Variants in CWF19L1 observed in about 807,000 individuals in gnomAD.
The protein encoded by CWF19L1 is CWF19 like cell cycle control factor 1.
A neutral mutation model predicts 69.7 loss-of-function variants in CWF19L1; 60 were observed. That is an observed-to-expected ratio of 0.86 (90% CI 0.70 to 1.07). CWF19L1 has a LOEUF of 1.07. CWF19L1 is among the 50% of genes least tolerant of loss of function. CWF19L1 has a pLI of 0.00. For missense variants in CWF19L1, 591 were observed against 638.9 expected (o/e 0.92, Z 0.81); for synonymous variants, 209 against 222.2 (o/e 0.94, Z 0.53).
intron 3 of CWF19L1, 133 bp downstream of exon 3, chr10:100,260,833 T>C: frequency 1.5e-6 from 1 of 664,472 alleles, no homozygotes; most frequent in East Asian, 2.8e-5. Context: ...GTCTTAATAA[T>C]GAAAAGCAAC....
chr10:100,255,980 T>C (rs1194336566), intron 5 of CWF19L1, among the ~76,000 whole-genome samples: 1 of 151,860 alleles, frequency 6.6e-6, no homozygotes, highest in African/African-American at 2.4e-5. Context: ...CCTCAAAACA[T>C]TAAGAGGCTT....
At chr10:100,256,218 T>C in intron 5 of CWF19L1, 44 bp downstream of exon 5, 1 of 1,470,032 alleles carries the variant, frequency 6.8e-7, no homozygotes, top group Non-Finnish European at 9.5e-7. Context: ...CTCAAGCCAG[T>C]GCAATTTGCT....
intron 12 of CWF19L1, among the ~76,000 whole-genome samples, chr10:100,236,311 G>A (rs192373422): frequency 1.3e-5 from 2 of 152,022 alleles, no homozygotes; most frequent in Admixed American, 1.3e-4. Context: ...GTCTCACTTT[G>A]TTGCCCAGGC....
At position 100,233,123 on chromosome 10, in the gene CWF19L1, G is replaced by T; in HGVS notation, c.*104C>A. 2.5e-6 allele frequency: 3 copies of T among 1,199,520 alleles called. No homozygotes were observed. The highest frequency in any genetic ancestry group is 1.7e-5 in the South Asian group (1 of 58,958). 74.3% of individuals were successfully genotyped at this position (1,199,520 alleles called of 1,614,324 possible). The stretch of plus-strand genomic sequence containing the variant: ...CAGTTATGCCACTGCAATCCTGCTT[G>T]GGTGACAGAGCGAGACTTTGTCTCA... On this transcript the variant is annotated 3_prime_UTR_variant, in exon 14 of 14. Transcript: ENST00000354105.
In CWF19L1 at chr10:100,256,377, G is replaced by A; in HGVS notation, c.389C>T (p.Pro130Leu). ...NEPVPGYSFS[P>L]KDVSSLRMML... ...CATTCTCAGAGAAGACACATCCTTG[G>A]GACTAAAACTATAACCTGGTACTGG... Residue 130 changes from proline to leucine, a missense_variant, in exon 5 of 14, where the codon CCC (proline) becomes CTC (leucine). Transcript: ENST00000354105. 1.9e-6 allele frequency: 3 copies of A among 1,613,958 alleles called. No homozygotes were observed. The highest frequency in any genetic ancestry group is 1.1e-5 in the South Asian group (1 of 91,072).
At chr10:100,267,188 C>G (rs1232026908) in intron 1 of CWF19L1, among the ~76,000 whole-genome samples, 2 of 141,622 alleles carry the variant, frequency 1.4e-5, no homozygotes, top group Admixed American at 1.5e-4. Flanking sequence ...GGAAGGGTCC[C>G]TATCTACTCT....
At chr10:100,239,727 A>G (rs1197184422) in intron 10 of CWF19L1, among the ~76,000 whole-genome samples, 1 of 152,214 alleles carries the variant, frequency 6.6e-6, no homozygotes, top group Non-Finnish European at 1.5e-5. Flanking sequence ...CTCATCTATA[A>G]TAAGAAAGTC....
intron 7 of CWF19L1, chr10:100,249,160 G>A (rs1161803430): frequency 5.9e-6 from 2 of 341,084 alleles, no homozygotes; most frequent in Non-Finnish European, 1.1e-5. Flanking sequence ...CCCAACCCTA[G>A]AAATCACTAT....
chr10:100,266,281 C>T (rs537862345), intron 1 of CWF19L1, among the ~76,000 whole-genome samples: 181 of 151,702 alleles, frequency 1.2e-3, no homozygotes, highest in African/African-American at 4.3e-3. Context: ...GCATCGACCT[C>T]CCCAGGCTCA....
intron 10 of CWF19L1, among the ~76,000 whole-genome samples, chr10:100,240,900 C>G (rs1329314894): frequency 1.3e-5 from 2 of 151,856 alleles, no homozygotes; most frequent in East Asian, 3.8e-4. Flanking sequence ...GCTCTTATTC[C>G]ACTGAAGACT....
At chr10:100,239,791 AT>A (rs1417038079) in intron 10 of CWF19L1, among the ~76,000 whole-genome samples, 6 of 152,216 alleles carry the variant, frequency 3.9e-5, no homozygotes, top group Non-Finnish European at 8.8e-5. Context: ...ATTGTCCTTG[AT>A]TTGTTTGGCA....
chr10:100,252,874 C>G (rs1189204929), intron 6 of CWF19L1, among the ~76,000 whole-genome samples: 2 of 149,828 alleles, frequency 1.3e-5, no homozygotes, highest in Non-Finnish European at 3.0e-5. Flanking sequence ...TTTAAATTTT[C>G]CCTCTCATTT....
At chr10:100,261,487 G>A (rs953075691) in intron 2 of CWF19L1, among the ~76,000 whole-genome samples, 9 of 152,182 alleles carry the variant, frequency 5.9e-5, no homozygotes, top group Admixed American at 5.9e-4. Context: ...CACATTTCCT[G>A]CCTGTTGTCT....
Position 100,232,441 on chromosome 10 carries a change from G to A in CWF19L1, c.*786C>T, listed in dbSNP as rs895335067. ...TTTATTCTTTTATTTTTGAGATGGA[G>A]TTTCACTGTCACCCAGGCTGGAGTG... is the stretch of plus-strand genomic sequence containing the variant. On this transcript the variant is annotated 3_prime_UTR_variant, in exon 14 of 14. Transcript: ENST00000354105. 2.2e-4 allele frequency: 34 copies of A among 152,440 alleles called. No individual in the cohort carries two copies. The highest frequency in any genetic ancestry group is 7.2e-4 in the African/African-American group (30 of 41,570). 9.4% of individuals were successfully genotyped at this position (152,440 alleles called of 1,614,324 possible).
In CWF19L1 at chr10:100,246,870, A is replaced by T; in HGVS notation, c.774T>A (p.Pro258=). The part of the protein sequence containing the change: ...LMDAAELVKQ[P]PDVTENPYRK... Reference sequence around the variant, plus strand: ...TGTAAGGGTTTTCAGTGACATCCGGAGGCTGTTTTACCAGTTCTGCTGCAT... The same window carrying T: ...TGTAAGGGTTTTCAGTGACATCCGGTGGCTGTTTTACCAGTTCTGCTGCAT... The change falls in exon 8 of 14, where the codon CCT becomes CCA. Residue 258 remains proline, a synonymous_variant. Coordinates refer to ENST00000354105, the MANE Select transcript of CWF19L1 (RefSeq NM_018294.6). 1 of 1,614,012 alleles carries T rather than the reference A, an allele frequency of 6.2e-7. No individual in the cohort carries two copies. The highest frequency in any genetic ancestry group is 8.5e-7 in the Non-Finnish European group (1 of 1,179,882).
intron 10 of CWF19L1, among the ~76,000 whole-genome samples, chr10:100,242,519 T>TA (rs1239524380): frequency 2.0e-5 from 3 of 151,870 alleles, no homozygotes; most frequent in Non-Finnish European, 1.5e-5. Context: ...ACTAAAAATA[T>TA]AAAAATTAGC....
chr10:100,246,846 G>A lies in CWF19L1; in HGVS notation c.798C>T (p.Tyr266=), dbSNP rs1564854746. ...KQPPDVTENP[Y]RKSGQEASIG... is the part of the protein sequence containing the mutation. ...TGGATGCTTCCTGCCCAGATTTTCT[G>A]TAAGGGTTTTCAGTGACATCCGGAG... The change falls in exon 8 of 14, where the codon TAC becomes TAT. Residue 266 remains tyrosine, a synonymous_variant. Coordinates refer to ENST00000354105, the MANE Select transcript of CWF19L1 (RefSeq NM_018294.6). The A allele has an allele frequency of 1.2e-6, 2 of 1,614,100 alleles. No individual in the cohort carries two copies. The highest frequency in any genetic ancestry group is 1.7e-6 in the Non-Finnish European group (2 of 1,179,970).
chr10:100,259,577 A>G (rs1847326075), intron 4 of CWF19L1, among the ~76,000 whole-genome samples: 1 of 152,194 alleles, frequency 6.6e-6, no homozygotes, highest in Non-Finnish European at 1.5e-5. Flanking sequence ...TGTGAACATA[A>G]TTTATACCTT....
At chr10:100,261,332 C>T (rs754076245) in intron 2 of CWF19L1, among the ~76,000 whole-genome samples, 3 of 152,314 alleles carry the variant, frequency 2.0e-5, no homozygotes, top group Middle Eastern at 3.4e-3. Context: ...TCCTCAAATT[C>T]CCAGTCCCAC....
Sources: gnomAD v4.1 joint callset for allele counts (sites outside exome capture counted in the v4.1 genomes callset) on GRCh38, gnomAD v4.1.1 for gene constraint, MANE v1.5 for transcripts, NCBI Gene and HGNC (gene_info 2026-07-23, HGNC 2026-07-21) for gene names.